Variants in PRKG1 observed in about 807,000 individuals in gnomAD.
PRKG1 encodes the protein protein kinase cGMP-dependent 1, also known as cGMP-dependent protein kinase 1.
In PRKG1, 35 loss-of-function variants were observed where a neutral mutation model predicts 88.1. The ratio of observed to expected loss-of-function variants is 0.40; its 90% CI spans 0.30 to 0.53. The LOEUF is 0.53. Among genes scored for constraint, PRKG1 ranks in the 20% least tolerant of loss-of-function variants. The pLI, the probability that PRKG1 is intolerant of heterozygous loss-of-function variation, is 0.59. For synonymous variants in PRKG1, 303 were observed against 292.5 expected, an observed-to-expected ratio of 1.04 and a Z score of -0.37; for missense variants, 540 against 839.8, an observed-to-expected ratio of 0.64 and a Z score of 4.41.
intron 1 of PRKG1, among the ~76,000 whole-genome samples, chr10:51,017,349 G>A (rs1843080421): frequency 6.6e-6 from 1 of 152,020 alleles, no homozygotes; most frequent in Non-Finnish European, 1.5e-5. Context: ...AACAACTTGA[G>A]AAGTATCATA....
intron 5 of PRKG1, among the ~76,000 whole-genome samples, chr10:52,000,770 C>G (rs1262708992): frequency 6.6e-6 from 1 of 151,928 alleles, no homozygotes; most frequent in East Asian, 1.9e-4. Flanking sequence ...AATTAGTAAG[C>G]AAAAATGGTT....
At chr10:51,977,452 G>C (rs2454562) in intron 5 of PRKG1, among the ~76,000 whole-genome samples, 71,504 of 151,808 alleles carry the variant, frequency 0.47, 17,208 homozygotes, top group East Asian at 0.57. Flanking sequence ...TCTCTTTATA[G>C]TAGAATGATT....
In PRKG1 at chr10:52,071,620, C is replaced by T. The variant is rs568828836; in HGVS notation, c.935+8989C>T. Among the ~76,000 whole-genome samples, 4 of 130,352 alleles carry T rather than the reference C, an allele frequency of 3.1e-5. 1 individual carries two copies. The South Asian group carries it at 7.2e-4, about 24-fold the overall frequency. The allele number at this position is 130,352 out of a possible 152,430, so 85.5% of individuals were successfully genotyped here. On this transcript the variant is annotated intron_variant, in intron 7 of 17. Transcript: ENST00000373980. ...TCCATTTGTCACTTCCACCAACTTTCCTTCCGTGTGTGGTTTAGTATAGCT... is the reference window on the plus strand; with the variant it reads ...TCCATTTGTCACTTCCACCAACTTTTCTTCCGTGTGTGGTTTAGTATAGCT...
intron 3 of PRKG1, among the ~76,000 whole-genome samples, chr10:51,718,831 T>G (rs933326586): frequency 3.7e-4 from 50 of 136,478 alleles, no homozygotes; most frequent in African/African-American, 1.4e-3. Flanking sequence ...GGATAGTTAA[T>G]GAGTGCAAAA....
chr10:52,099,783 C>T (rs1439329495), intron 7 of PRKG1, among the ~76,000 whole-genome samples: 3 of 152,108 alleles, frequency 2.0e-5, no homozygotes, highest in African/African-American at 7.2e-5. Context: ...TAAATAGCCA[C>T]GCAGTCCTGA....
At chr10:51,481,656 G>T (rs10997758) in intron 3 of PRKG1, among the ~76,000 whole-genome samples, 3 of 151,866 alleles carry the variant, frequency 2.0e-5, no homozygotes, top group Non-Finnish European at 2.9e-5. Context: ...CATTATTGGC[G>T]TAATTCTCTC....
intron 5 of PRKG1, among the ~76,000 whole-genome samples, chr10:51,973,974 G>GAGTTTCC (rs1843769098): frequency 6.6e-6 from 1 of 152,070 alleles, no homozygotes; most frequent in African/African-American, 2.4e-5. Context: ...ATTTAAATTT[G>GAGTTTCC]AGTTTCCACA....
intron 9 of PRKG1, among the ~76,000 whole-genome samples, chr10:52,223,469 G>A (rs888860110): frequency 6.6e-6 from 1 of 152,012 alleles, no homozygotes; most frequent in Non-Finnish European, 1.5e-5. Flanking sequence ...ACTTTGGTTG[G>A]TTGGTCCTGA....
chr10:51,853,520 T>C (rs1840608769), intron 4 of PRKG1, among the ~76,000 whole-genome samples: 1 of 152,170 alleles, frequency 6.6e-6, no homozygotes, highest in Non-Finnish European at 1.5e-5. Flanking sequence ...TTTTCAATTG[T>C]CTATTAGTAC....
At chr10:52,133,401 A>G (rs543859252) in intron 7 of PRKG1, among the ~76,000 whole-genome samples, 1 of 152,266 alleles carries the variant, frequency 6.6e-6, no homozygotes, top group African/African-American at 2.4e-5. Context: ...TAAGGAAATA[A>G]TTTAAACAGA....
intron 1 of PRKG1, among the ~76,000 whole-genome samples, chr10:51,079,882 A>G (rs1283627166): frequency 2.6e-5 from 4 of 152,214 alleles, no homozygotes; most frequent in Admixed American, 1.3e-4. Flanking sequence ...CCAAGTTCCA[A>G]GTTCCTTTTT....
At chr10:51,827,694 T>C (rs955719553) in intron 4 of PRKG1, among the ~76,000 whole-genome samples, 2 of 152,084 alleles carry the variant, frequency 1.3e-5, no homozygotes, top group Non-Finnish European at 2.9e-5. Context: ...AGAAAAAACA[T>C]ATTGCTATGT....
At chr10:51,062,295 C>T (rs970565644) in intron 1 of PRKG1, among the ~76,000 whole-genome samples, 4 of 152,158 alleles carry the variant, frequency 2.6e-5, no homozygotes, top group African/African-American at 7.2e-5. Context: ...AAGCTTTGCT[C>T]AACTTCTTAG....
chr10:51,401,943 T>G (rs1445929589), intron 2 of PRKG1, among the ~76,000 whole-genome samples: 1 of 152,184 alleles, frequency 6.6e-6, no homozygotes, highest in Non-Finnish European at 1.5e-5. Context: ...TGTGCAGTGT[T>G]TCCTCCTGCA....
At chr10:52,131,816 CAAAAAAAA>C (rs71459439) in intron 7 of PRKG1, among the ~76,000 whole-genome samples, 6 of 44,084 alleles carry the variant, frequency 1.4e-4, no homozygotes, top group African/African-American at 2.5e-4. Context: ...GAAACTCCAT[CAAAAAAAA>C]AAAAAAAAAA....
intron 10 of PRKG1, among the ~76,000 whole-genome samples, chr10:52,266,788 A>AC (rs1490762842): frequency 2.4e-4 from 37 of 152,160 alleles, no homozygotes; most frequent in Middle Eastern, 3.4e-3. Context: ...AAAAAACAAA[A>AC]AAAAAGGTTG....
rs75039281 is a variant in PRKG1 at position 51,208,840 on chromosome 10, G to A, written c.478+55510G>A. Among the ~76,000 whole-genome samples the A allele has an allele frequency of 2.0e-3, 298 of 152,212 alleles. 1 individual carries two copies. The highest frequency in any genetic ancestry group is 7.0e-3 in the African/African-American group (290 of 41,530). On this transcript the variant is annotated intron_variant, in intron 2 of 17. Transcript: ENST00000373980. ...ATTTTAGATTCTCACTACCTGCCTC[G>A]AATGGAATAGGACTATCATGTAGAA...
intron 2 of PRKG1, among the ~76,000 whole-genome samples, chr10:51,286,046 C>A (rs949071433): frequency 2.6e-5 from 4 of 152,170 alleles, no homozygotes; most frequent in African/African-American, 9.7e-5. Context: ...TCTTGGCTCA[C>A]TGCAACCTCT....
intron 2 of PRKG1, among the ~76,000 whole-genome samples, chr10:51,191,468 C>T (rs1837628990): frequency 6.6e-6 from 1 of 151,780 alleles, no homozygotes. Context: ...TCATAGTAAG[C>T]ATTCAAAATA....
Sources: gnomAD v4.1 joint callset for allele counts (sites outside exome capture counted in the v4.1 genomes callset) on GRCh38, gnomAD v4.1.1 for gene constraint, MANE v1.5 for transcripts, NCBI Gene and HGNC (gene_info 2026-07-23, HGNC 2026-07-21) for gene names.